Variants in ADTRP observed in about 807,000 individuals in gnomAD.
The protein encoded by ADTRP is androgen-dependent TFPI-regulating protein.
In ADTRP, 20 loss-of-function variants were observed where a neutral mutation model predicts 27.0. The observed-to-expected ratio is 0.74, with a 90% confidence interval of 0.52 to 1.08. ADTRP has a LOEUF of 1.08. ADTRP is among the 50% of genes least tolerant of loss of function. ADTRP has a pLI of 0.00. For synonymous variants in ADTRP, 101 were observed against 105.2 expected (o/e 0.96, Z 0.25); for missense variants, 251 against 275.0 (o/e 0.91, Z 0.62).
intron 3 of ADTRP, among the ~76,000 whole-genome samples, chr6:11,743,389 G>A (rs1762776258): frequency 6.6e-6 from 1 of 152,034 alleles, no homozygotes; most frequent in Non-Finnish European, 1.5e-5. Context: ...TTCTTCCTGT[G>A]CCCACCCTCT....
chr6:11,777,641 T>A (rs959306933), intron 1 of ADTRP, among the ~76,000 whole-genome samples: 1 of 152,234 alleles, frequency 6.6e-6, no homozygotes, highest in Non-Finnish European at 1.5e-5. Context: ...TTCCAATTTT[T>A]CAGGCCCAAA....
rs780002086 is a variant in ADTRP at position 11,714,175 on chromosome 6, A to T, written c.*303T>A. On this transcript the variant is annotated 3_prime_UTR_variant, in exon 6 of 6. Transcript: ENST00000414691. ...TCTCTCTCTCTAGATGTTCTCTAACACCAAGTTTATGTGAGTTTCTTTGGC... is the reference window on the plus strand; with the variant it reads ...TCTCTCTCTCTAGATGTTCTCTAACTCCAAGTTTATGTGAGTTTCTTTGGC... 3 of 373,894 alleles carry T rather than the reference A, an allele frequency of 8.0e-6. No individual in the cohort carries two copies. The South Asian group carries it at 8.1e-5, about 10-fold the overall frequency. The allele number at this position is 373,894 out of a possible 1,614,324, so 23.2% of individuals were successfully genotyped here.
At chr6:11,717,226 T>G (rs910738582) in intron 5 of ADTRP, 1 of 1,247,322 alleles carries the variant, frequency 8.0e-7, no homozygotes, top group Non-Finnish European at 1.0e-6. Flanking sequence ...GGAAGTTAGA[T>G]TCACCCCGAC....
chr6:11,777,200 G>T (rs537188377), intron 1 of ADTRP, among the ~76,000 whole-genome samples: 1 of 152,100 alleles, frequency 6.6e-6, no homozygotes, highest in African/African-American at 2.4e-5. Context: ...GGAAAATAAG[G>T]GCTCTTGGAA....
chr6:11,724,288 C>T (rs1425559924), intron 4 of ADTRP, among the ~76,000 whole-genome samples: 4 of 151,986 alleles, frequency 2.6e-5, no homozygotes, highest in East Asian at 1.9e-4. Context: ...TCCAAGTCTG[C>T]GGGGATGAGG....
chr6:11,761,954 G>A (rs1035494934), intron 3 of ADTRP, among the ~76,000 whole-genome samples: 2 of 152,168 alleles, frequency 1.3e-5, no homozygotes, highest in Non-Finnish European at 2.9e-5. Flanking sequence ...ATCAGGAAGG[G>A]TGGGAGGAGT....
chr6:11,758,311 T>A (rs1222276947), intron 3 of ADTRP, among the ~76,000 whole-genome samples: 15 of 152,116 alleles, frequency 9.9e-5, no homozygotes, highest in Admixed American at 9.8e-4. Flanking sequence ...ATATTGGTTG[T>A]TGGGTTAATG....
At chr6:11,718,056 CT>C (rs1761890347) in intron 5 of ADTRP, among the ~76,000 whole-genome samples, 1 of 152,184 alleles carries the variant, frequency 6.6e-6, no homozygotes, top group Non-Finnish European at 1.5e-5. Flanking sequence ...GAAAATCTGC[CT>C]TTTAAAAAAC....
At chr6:11,716,869 A>C (rs1197113091) in intron 5 of ADTRP, among the ~76,000 whole-genome samples, 24 of 145,450 alleles carry the variant, frequency 1.7e-4, no homozygotes, top group African/African-American at 5.7e-4. Context: ...GGTGTGCGCC[A>C]CCACACGTAG....
At chr6:11,720,929 A>G (rs1454889519) in intron 5 of ADTRP, among the ~76,000 whole-genome samples, 1 of 152,188 alleles carries the variant, frequency 6.6e-6, no homozygotes, top group Non-Finnish European at 1.5e-5. Flanking sequence ...AGGCCCTTGG[A>G]TATTCTATTG....
At chr6:11,771,391 A>G (rs1004167336) in intron 1 of ADTRP, among the ~76,000 whole-genome samples, 2 of 152,172 alleles carry the variant, frequency 1.3e-5, no homozygotes, top group African/African-American at 4.8e-5. Flanking sequence ...CCGCCAAGGA[A>G]AAGAAACCTG....
chr6:11,761,072 G>C (rs1433236411), intron 3 of ADTRP, among the ~76,000 whole-genome samples: 1 of 152,208 alleles, frequency 6.6e-6, no homozygotes, highest in Non-Finnish European at 1.5e-5. Context: ...AGAGATGCCA[G>C]TATTTCCTTG....
At chr6:11,757,991 G>A (rs1019169451) in intron 3 of ADTRP, among the ~76,000 whole-genome samples, 2 of 152,186 alleles carry the variant, frequency 1.3e-5, no homozygotes, top group Non-Finnish European at 1.5e-5. Context: ...CTTGGGCTCA[G>A]ACATTTCTCT....
intron 3 of ADTRP, among the ~76,000 whole-genome samples, chr6:11,754,615 G>C: frequency 6.6e-6 from 1 of 152,218 alleles, no homozygotes; most frequent in East Asian, 1.9e-4. Context: ...CCTGGAGGTG[G>C]GAGGAAGACA....
At chr6:11,768,858 G>A (rs954899238) in intron 1 of ADTRP, among the ~76,000 whole-genome samples, 1 of 152,032 alleles carries the variant, frequency 6.6e-6, no homozygotes, top group Non-Finnish European at 1.5e-5. Flanking sequence ...GGACCACCAC[G>A]AATCTCTGTG....
intron 3 of ADTRP, among the ~76,000 whole-genome samples, chr6:11,746,121 G>A (rs1164529891): frequency 6.6e-6 from 1 of 152,042 alleles, no homozygotes; most frequent in Non-Finnish European, 1.5e-5. Context: ...AAGAATCCAA[G>A]AGCAAAACAA....
chr6:11,731,096 A>T (rs1052136772), intron 4 of ADTRP, among the ~76,000 whole-genome samples: 2 of 152,226 alleles, frequency 1.3e-5, no homozygotes, highest in Non-Finnish European at 2.9e-5. Flanking sequence ...TGGGTTGTGC[A>T]GTGCACGACA....
chr6:11,752,935 T>C (rs1435993135), intron 3 of ADTRP, among the ~76,000 whole-genome samples: 1 of 152,216 alleles, frequency 6.6e-6, no homozygotes, highest in East Asian at 1.9e-4. Flanking sequence ...GTATCACTGA[T>C]AGCACTTTAT....
chr6:11,744,558 C>T (rs1228975027), intron 3 of ADTRP, among the ~76,000 whole-genome samples: 1 of 152,180 alleles, frequency 6.6e-6, no homozygotes, highest in Non-Finnish European at 1.5e-5. Flanking sequence ...TCTTGAGACT[C>T]ACTGGTCTGT....
Sources: allele counts gnomAD v4.1 joint callset (sites outside exome capture counted in the v4.1 genomes callset), GRCh38; gene constraint gnomAD v4.1.1; transcripts MANE v1.5; gene names NCBI Gene and HGNC (gene_info 2026-07-23, HGNC 2026-07-21).